Variants in MAP4K4 observed in about 807,000 individuals in gnomAD.
MAP4K4 encodes mitogen-activated protein kinase kinase kinase kinase 4, also known as HPK/GCK-like kinase HGK.
In MAP4K4, 38 loss-of-function variants were observed where a neutral mutation model predicts 189.6. The ratio of observed to expected loss-of-function variants is 0.20; its 90% CI spans 0.15 to 0.26. The LOEUF (loss-of-function observed/expected upper bound fraction) is 0.26, where lower values mean the gene tolerates loss of function less well. Among genes scored for constraint, MAP4K4 ranks in the 10% least tolerant of loss-of-function variants. The probability of loss-of-function intolerance (pLI) is 1.00; values close to 1 mark genes in which losing one functional copy is unlikely to be tolerated. For missense variants in MAP4K4, 1,054 were observed against 1,726.9 expected (o/e 0.61, Z 6.91); for synonymous variants, 610 against 624.3 (o/e 0.98, Z 0.34).
At chr2:101,786,950 G>A (rs2091491183) in intron 2 of MAP4K4, among the ~76,000 whole-genome samples, 1 of 152,132 alleles carries the variant, frequency 6.6e-6, no homozygotes. Flanking sequence ...TCTGCCATCT[G>A]GCATTTTATA....
intron 2 of MAP4K4, among the ~76,000 whole-genome samples, chr2:101,782,686 C>T (rs769796410): frequency 6.6e-6 from 1 of 152,104 alleles, no homozygotes; most frequent in Non-Finnish European, 1.5e-5. Flanking sequence ...ATTAGGACTC[C>T]AGTCTGAAGG....
At chr2:101,766,483 C>G (rs1023483026) in intron 2 of MAP4K4, among the ~76,000 whole-genome samples, 5 of 152,042 alleles carry the variant, frequency 3.3e-5, no homozygotes, top group Non-Finnish European at 5.9e-5. Flanking sequence ...TGTCTTGGAT[C>G]TTTTAAAAGT....
chr2:101,751,275 T>C (rs1184259393), intron 2 of MAP4K4, among the ~76,000 whole-genome samples: 6 of 152,326 alleles, frequency 3.9e-5, no homozygotes, highest in Admixed American at 3.9e-4. Flanking sequence ...AAACGTTCGG[T>C]GGAACATATT....
At chr2:101,730,484 C>T (rs1265531979) in intron 2 of MAP4K4, among the ~76,000 whole-genome samples, 2 of 152,044 alleles carry the variant, frequency 1.3e-5, no homozygotes, top group African/African-American at 2.4e-5. Flanking sequence ...CAGAGACACC[C>T]GTGTTTAAGA....
chr2:101,802,208 C>CTTGGCTGCCCCTCTGGTT (rs1461755959), intron 3 of MAP4K4, among the ~76,000 whole-genome samples: 1 of 152,210 alleles, frequency 6.6e-6, no homozygotes, highest in Non-Finnish European at 1.5e-5. Flanking sequence ...TGCTGCCACC[C>CTTGGCTGCCCCTCTGGTT]TTGGCTACCC....
intron 13 of MAP4K4, among the ~76,000 whole-genome samples, chr2:101,858,482 A>G (rs905542725): frequency 1.3e-5 from 2 of 152,170 alleles, no homozygotes; most frequent in African/African-American, 4.8e-5. Flanking sequence ...TCTGGAATGT[A>G]GTCATTCCAG....
chr2:101,770,869 T>A (rs568950493), intron 2 of MAP4K4, among the ~76,000 whole-genome samples: 2 of 152,250 alleles, frequency 1.3e-5, no homozygotes, highest in South Asian at 4.1e-4. Flanking sequence ...TGGCGCTAAA[T>A]TGTGACCAGA....
At chr2:101,733,222 C>T (rs1316556380) in intron 2 of MAP4K4, among the ~76,000 whole-genome samples, 1 of 152,166 alleles carries the variant, frequency 6.6e-6, no homozygotes, top group Non-Finnish European at 1.5e-5. Flanking sequence ...ACACCTGAGC[C>T]TTTGACTCCG....
chr2:101,853,542 T>C (rs1177755896), intron 12 of MAP4K4, among the ~76,000 whole-genome samples: 3 of 152,268 alleles, frequency 2.0e-5, no homozygotes, highest in Admixed American at 6.5e-5. Flanking sequence ...GATGTCCAAC[T>C]TCTATTTAAT....
At chr2:101,844,136 G>A in exon 12 of MAP4K4, 1 of 1,612,466 alleles carries the variant, frequency 6.2e-7, no homozygotes, top group Non-Finnish European at 8.5e-7. Context: ...TCTACTCTTC[G>A]CCGAGATTTC....
chr2:101,729,099 A>T (rs79353295), intron 2 of MAP4K4, among the ~76,000 whole-genome samples: 1,066 of 56,686 alleles, frequency 0.019, 5 homozygotes, highest in African/African-American at 0.03. Context: ...AGAGAGAGAG[A>T]GAGTGTGTGT....
intron 2 of MAP4K4, among the ~76,000 whole-genome samples, chr2:101,734,127 T>C (rs1277652757): frequency 1.3e-5 from 2 of 152,160 alleles, no homozygotes; most frequent in Admixed American, 1.3e-4. Context: ...CATGAGTGAG[T>C]TGATTGCTTA....
chr2:101,737,869 AC>A (rs2061116122), intron 2 of MAP4K4, among the ~76,000 whole-genome samples: 1 of 151,896 alleles, frequency 6.6e-6, no homozygotes, highest in Non-Finnish European at 1.5e-5. Flanking sequence ...CTTTCTCACC[AC>A]ACTTTTTAAA....
intron 16 of MAP4K4, among the ~76,000 whole-genome samples, chr2:101,862,730 G>A (rs2097704042): frequency 6.6e-6 from 1 of 152,010 alleles, no homozygotes; most frequent in Non-Finnish European, 1.5e-5. Context: ...ATAATTTCAG[G>A]TAATACTTTG....
At chr2:101,884,649 G>A (rs1424501981) in intron 28 of MAP4K4, among the ~76,000 whole-genome samples, 2 of 152,192 alleles carry the variant, frequency 1.3e-5, no homozygotes, top group African/African-American at 2.4e-5. Flanking sequence ...GAAGGAGGCA[G>A]TTTTACTACT....
chr2:101,698,406 C>A, intron 1 of MAP4K4, 67 bp from the exon 2 acceptor site: 1 of 1,393,464 alleles, frequency 7.2e-7, no homozygotes, highest in Non-Finnish European at 1.0e-6. Flanking sequence ...TCTCCAACTG[C>A]CTTGCTTGAT....
rs577643831 is a variant in MAP4K4 at position 101,760,212 on chromosome 2, C to T, written c.124-30508C>T. 2.9e-4 allele frequency among the ~76,000 whole-genome samples: 44 copies of T among 151,460 alleles called. No individual in the cohort carries two copies. In the South Asian group the frequency reaches 7.7e-3, roughly 27 times the overall value. The stretch of plus-strand genomic sequence containing the variant: ...AAGTTTCCAAAATATTTTTATAGGC[C>T]GGGTGTGGGGGCTCACCCCTGTAAT... On this transcript the variant is annotated intron_variant, in intron 2 of 32. Coordinates refer to ENST00000324219, the Ensembl canonical transcript of MAP4K4.
At chr2:101,864,935 T>C in exon 18 of MAP4K4, 1 of 1,563,772 alleles carries the variant, frequency 6.4e-7, no homozygotes, top group Admixed American at 1.9e-5. Context: ...TAAAGGTTCC[T>C]GTGAGAACAA....
At chr2:101,836,130 A>AT (rs1181895520) in intron 9 of MAP4K4, among the ~76,000 whole-genome samples, 152 bp downstream of exon 9, 2 of 152,018 alleles carry the variant, frequency 1.3e-5, no homozygotes, top group Non-Finnish European at 2.9e-5. Flanking sequence ...AGATGCGTTG[A>AT]TTTTTTTTAA....
Sources: allele counts gnomAD v4.1 joint callset (sites outside exome capture counted in the v4.1 genomes callset), GRCh38; gene constraint gnomAD v4.1.1; transcripts MANE v1.5; gene names NCBI Gene and HGNC (gene_info 2026-07-23, HGNC 2026-07-21).